The following CNNM2 variants were observed in gnomAD, a reference collection of about 807,000 sequenced individuals.
CNNM2 encodes the protein cyclin and CBS domain divalent metal cation transport mediator 2.
In CNNM2, 12 loss-of-function variants were observed where a neutral mutation model predicts 66.9. The ratio of observed to expected loss-of-function variants is 0.18; its 90% confidence interval spans 0.11 to 0.29. The LOEUF is 0.29. Among genes scored for constraint, CNNM2 ranks in the 10% least tolerant of loss-of-function variants. CNNM2 has a pLI of 1.00. For synonymous variants in CNNM2, 557 were observed against 501.8 expected, an observed-to-expected ratio of 1.11 and a Z score of -1.47; for missense variants, 705 against 1,167.7, an observed-to-expected ratio of 0.60 and a Z score of 5.77.
intron 1 of CNNM2, among the ~76,000 whole-genome samples, chr10:103,046,443 T>G (rs2065128164): frequency 1.3e-5 from 2 of 152,234 alleles, no homozygotes; most frequent in Non-Finnish European, 1.5e-5. Flanking sequence ...CACAAAAACT[T>G]GCAACCTGTG....
At chr10:103,048,396 A>G (rs1041084546) in intron 1 of CNNM2, among the ~76,000 whole-genome samples, 26 of 151,730 alleles carry the variant, frequency 1.7e-4, no homozygotes, top group African/African-American at 5.8e-4. Context: ...TTGTATTTTT[A>G]GTAGAGATGG....
chr10:102,964,095 A>C (rs899935996), intron 1 of CNNM2, among the ~76,000 whole-genome samples: 7 of 152,228 alleles, frequency 4.6e-5, no homozygotes, highest in African/African-American at 1.7e-4. Context: ...GGTTTTCAAA[A>C]AATAGTCTAC....
intron 1 of CNNM2, among the ~76,000 whole-genome samples, chr10:103,005,951 A>AC (rs566709343): frequency 7.2e-4 from 110 of 151,974 alleles, no homozygotes; most frequent in African/African-American, 2.5e-3. Context: ...CTGGTCTCAA[A>AC]CCCCTGGGCT....
At chr10:103,047,014 G>A (rs987433577) in intron 1 of CNNM2, among the ~76,000 whole-genome samples, 1 of 152,140 alleles carries the variant, frequency 6.6e-6, no homozygotes, top group African/African-American at 2.4e-5. Context: ...AATATATGCA[G>A]GTACTCCCCC....
Position 102,920,021 on chromosome 10 carries a change from T to C in CNNM2, c.1541T>C (p.Ile514Thr). The C allele has an allele frequency of 6.2e-7, 1 of 1,614,208 alleles. No individual in the cohort carries two copies. Among genetic ancestry groups the C allele is most frequent in the South Asian group, 1.1e-5 (1 of 91,082 alleles). The change falls in exon 1 of 8, where the codon ATC (isoleucine) becomes ACC (threonine). Residue 514 changes from isoleucine (I) to threonine (T), a missense_variant. Physicochemically the swap from Ile to Thr is moderately conservative, Grantham distance 89. This residue lies in a region of CNNM2 where 171 missense variants were observed against 304.8 expected (regional missense o/e 0.56). Transcript: ENST00000369878. ...DPDDCTPLKT[I>T]TKFYNHPLHF... ...GATGACTGTACCCCCCTGAAAACCA[T>C]CACCAAATTTTATAACCACCCCTTG...
intron 2 of CNNM2, 46 bp downstream of exon 2, chr10:103,049,896 T>C (rs553467364): frequency 6.9e-6 from 11 of 1,594,360 alleles, no homozygotes; most frequent in African/African-American, 2.7e-5. Context: ...TTTGCTTTTT[T>C]TGTTGTGCTG....
chr10:103,041,531 G>A (rs2065040505), intron 1 of CNNM2, among the ~76,000 whole-genome samples: 1 of 152,122 alleles, frequency 6.6e-6, no homozygotes, highest in Non-Finnish European at 1.5e-5. Flanking sequence ...AAGCAGGCCA[G>A]TTCGGGCCTC....
chr10:103,053,412 G>A (rs2065247478), intron 2 of CNNM2, among the ~76,000 whole-genome samples: 1 of 152,220 alleles, frequency 6.6e-6, no homozygotes, highest in Non-Finnish European at 1.5e-5. Flanking sequence ...AGCTACTTGG[G>A]AGGCAGAGGT....
intron 4 of CNNM2, among the ~76,000 whole-genome samples, chr10:103,064,944 G>A (rs545432543): frequency 5.3e-5 from 8 of 152,270 alleles, no homozygotes; most frequent in African/African-American, 1.7e-4. Flanking sequence ...GTAGAGGTGC[G>A]TCTTACTGGC....
intron 1 of CNNM2, among the ~76,000 whole-genome samples, chr10:102,948,973 C>T (rs1362030956): frequency 2.0e-5 from 3 of 152,192 alleles, no homozygotes; most frequent in Non-Finnish European, 4.4e-5. Flanking sequence ...AGACCTGGCA[C>T]TGGAAGCTGT....
At chr10:103,005,688 G>A (rs780702490) in intron 1 of CNNM2, among the ~76,000 whole-genome samples, 1 of 152,056 alleles carries the variant, frequency 6.6e-6, no homozygotes, top group African/African-American at 2.4e-5. Context: ...AACCTTTAAT[G>A]GAACAATATT....
At chr10:102,927,095 GAGC>G (rs960194921) in intron 1 of CNNM2, among the ~76,000 whole-genome samples, 5 of 151,516 alleles carry the variant, frequency 3.3e-5, no homozygotes, top group South Asian at 2.1e-4. Context: ...AAACTTTTAA[GAGC>G]AAACCTGTAG....
intron 1 of CNNM2, among the ~76,000 whole-genome samples, chr10:102,920,428 G>A (rs968600928): frequency 5.3e-5 from 8 of 151,404 alleles, no homozygotes; most frequent in African/African-American, 1.9e-4. Context: ...GGGGTCTGCC[G>A]CCTTCATTGT....
intron 1 of CNNM2, among the ~76,000 whole-genome samples, chr10:102,947,204 A>G (rs1470266405): frequency 1.3e-5 from 2 of 152,148 alleles, no homozygotes; most frequent in Admixed American, 6.6e-5. Flanking sequence ...AGGTACTATA[A>G]TCCTTTTATA....
chr10:102,938,619 C>CAA (rs10596673), intron 1 of CNNM2, among the ~76,000 whole-genome samples: 30 of 63,654 alleles, frequency 4.7e-4, no homozygotes, highest in Non-Finnish European at 6.0e-4. Flanking sequence ...GACCCTGTCT[C>CAA]AAAAAAAAAA....
At position 103,039,364 on chromosome 10, in the gene CNNM2, T is replaced by C. The variant is rs558677175; in HGVS notation, c.1622-10343T>C. Among the ~76,000 whole-genome samples, 5 of 152,300 alleles carry C rather than the reference T, an allele frequency of 3.3e-5. No homozygotes were observed. In the South Asian group the frequency reaches 8.3e-4, roughly 25 times the overall value. On this transcript the variant is annotated intron_variant, in intron 1 of 7. Coordinates refer to ENST00000369878, the MANE Select transcript of CNNM2 (RefSeq NM_017649.5). ...GTTGGCCAAGTTGGTCTCGAACTCCTGACCTGAGGTGATCCGCCCGCCTCG... is the reference window on the plus strand; with the variant it reads ...GTTGGCCAAGTTGGTCTCGAACTCCCGACCTGAGGTGATCCGCCCGCCTCG...
intron 6 of CNNM2, among the ~76,000 whole-genome samples, chr10:103,075,803 A>G (rs2065680028): frequency 6.6e-6 from 1 of 152,170 alleles, no homozygotes; most frequent in Non-Finnish European, 1.5e-5. Flanking sequence ...AATGTTCCTC[A>G]CGAAGGCACA....
chr10:102,998,530 G>A (rs2064046381), intron 1 of CNNM2, among the ~76,000 whole-genome samples: 1 of 152,106 alleles, frequency 6.6e-6, no homozygotes, highest in Non-Finnish European at 1.5e-5. Flanking sequence ...TCTGGGCAAG[G>A]TCTTTAAAAT....
intron 1 of CNNM2, among the ~76,000 whole-genome samples, chr10:103,019,769 A>G (rs1490313901): frequency 2.0e-5 from 3 of 152,242 alleles, no homozygotes; most frequent in Non-Finnish European, 4.4e-5. Flanking sequence ...ACACTGTTCT[A>G]TAGCCATAAT....
Sources: allele counts gnomAD v4.1 joint callset (sites outside exome capture counted in the v4.1 genomes callset), GRCh38; gene constraint gnomAD v4.1.1; regional missense constraint gnomAD v4.1.1; transcripts MANE v1.5; gene names NCBI Gene and HGNC (gene_info 2026-07-23, HGNC 2026-07-21).